The following TTC6 variants were observed in gnomAD, a reference collection of about 807,000 sequenced individuals.
TTC6 encodes tetratricopeptide repeat domain 6, also known as tetratricopeptide repeat protein 6.
In TTC6, 172 loss-of-function variants were observed where a neutral mutation model predicts 210.4. That is an observed-to-expected ratio of 0.82 (90% confidence interval 0.72 to 0.93). The LOEUF (loss-of-function observed/expected upper bound fraction) is 0.93. Among genes scored for constraint, TTC6 ranks in the 40% least tolerant of loss-of-function variants. TTC6 has a pLI of 0.00. For synonymous variants in TTC6, 804 were observed against 819.6 expected (o/e 0.98, Z 0.32); for missense variants, 2,414 against 2,318.1 (o/e 1.04, Z -0.85).
chr14:37,636,499 A>G (rs1221514353), intron 1 of TTC6, among the ~76,000 whole-genome samples: 1 of 152,206 alleles, frequency 6.6e-6, no homozygotes, highest in Non-Finnish European at 1.5e-5. Flanking sequence ...CTTGGAAACT[A>G]AACAATACAA....
Position 37,824,083 on chromosome 14 carries a change from T to C in TTC6, c.4974+126T>C, listed in dbSNP as rs2096164712. ...TGAACATTTACCTTTTCTTTACTTT[T>C]AGGTTCCAGAGTAGCAGTGGGAGCA... On this transcript the variant is annotated intron_variant, in intron 27 of 30. Transcript: ENST00000553443. 7.5e-6 allele frequency: 7 copies of C among 934,354 alleles called. No individual in the cohort carries two copies. The South Asian group carries it at 1.2e-4, about 16-fold the overall frequency. The allele number at this position is 934,354 out of a possible 1,614,324, so 57.9% of individuals were successfully genotyped here. A position where few individuals can be genotyped will look rare whatever the true frequency, so the allele number is the denominator to read the frequency against.
At position 37,679,805 on chromosome 14, in the gene TTC6, C is replaced by T. The variant is rs147655121; in HGVS notation, c.940-346C>T. 2.5e-3 allele frequency among the ~76,000 whole-genome samples: 387 copies of T among 152,128 alleles called. 2 individuals carry two copies. The highest frequency in any genetic ancestry group is 8.9e-3 in the African/African-American group (371 of 41,518). ...TCCTGGGTTCAAGCAATTCTCCTGCCTCAGCCTCCCAAGTAGCTGGGATTA... is the reference window on the plus strand; with the variant it reads ...TCCTGGGTTCAAGCAATTCTCCTGCTTCAGCCTCCCAAGTAGCTGGGATTA... On this transcript the variant is annotated intron_variant, in intron 1 of 30. Transcript: ENST00000553443.
chr14:37,606,101 A>G (rs1050260543), intron 1 of TTC6, among the ~76,000 whole-genome samples: 31 of 152,102 alleles, frequency 2.0e-4, no homozygotes, highest in African/African-American at 7.2e-4. Flanking sequence ...GCAGATGTTA[A>G]TTAGGTTACC....
chr14:37,735,027 A>G (rs2095897774), intron 7 of TTC6, among the ~76,000 whole-genome samples: 1 of 152,170 alleles, frequency 6.6e-6, no homozygotes, highest in South Asian at 2.1e-4. Context: ...TTTTTAAAGA[A>G]TAATGATGAA....
rs1457243114 is a variant in TTC6 at position 37,814,857 on chromosome 14, C to CT, written c.4689+2427dup. ...ATGAAAAACCAAGAGAAAGCAGAATCTTTAAAAACAGTTTTAGTGGGAAAG... is the reference window on the plus strand; with the variant it reads ...ATGAAAAACCAAGAGAAAGCAGAATCTTTTAAAAACAGTTTTAGTGGGAAAG... On this transcript the variant is annotated intron_variant, in intron 25 of 30. Transcript: ENST00000553443. Among the ~76,000 whole-genome samples the CT allele has an allele frequency of 2.0e-5, 3 of 152,116 alleles. No homozygotes were observed. The South Asian group carries it at 6.2e-4, about 32-fold the overall frequency.
At chr14:37,823,286 G>A (rs1168001090) in intron 26 of TTC6, among the ~76,000 whole-genome samples, 2 of 152,064 alleles carry the variant, frequency 1.3e-5, no homozygotes, top group African/African-American at 4.8e-5. Flanking sequence ...TAGGAGATCT[G>A]ATGTAAGGAC....
intron 1 of TTC6, among the ~76,000 whole-genome samples, chr14:37,647,998 C>G (rs1286692962): frequency 6.6e-6 from 1 of 152,038 alleles, no homozygotes. Flanking sequence ...AGCGTTATAA[C>G]TATAATATTA....
intron 14 of TTC6, among the ~76,000 whole-genome samples, chr14:37,761,531 A>C (rs566732613): frequency 3.3e-4 from 50 of 152,060 alleles, no homozygotes; most frequent in Admixed American, 1.2e-3. Context: ...GTACAGCATA[A>C]TGACTTATCA....
At chr14:37,622,605 T>C (rs1354435899) in exon 1 of TTC6, 7 of 1,534,522 alleles carry the variant, frequency 4.6e-6, no homozygotes, top group East Asian at 2.5e-5. Context: ...GGTCTTCCAC[T>C]TGGGAAGGGA....
intron 1 of TTC6, among the ~76,000 whole-genome samples, chr14:37,677,411 G>A (rs2095772416): frequency 6.6e-6 from 1 of 151,938 alleles, no homozygotes. Context: ...CAACTTTAGT[G>A]AATTAGTTTA....
At chr14:37,753,360 A>G in intron 14 of TTC6, 125 bp downstream of exon 16, 1 of 802,838 alleles carries the variant, frequency 1.2e-6, no homozygotes, top group Non-Finnish European at 1.9e-6. Context: ...TTTCAGTGCC[A>G]CCAGTAAATG....
At chr14:37,692,586 T>C (rs1206185735) in intron 3 of TTC6, among the ~76,000 whole-genome samples, 1 of 152,036 alleles carries the variant, frequency 6.6e-6, no homozygotes, top group Non-Finnish European at 1.5e-5. Context: ...TTTACCGGTG[T>C]GGTGGCTCAC....
At chr14:37,725,095 C>A in intron 7 of TTC6, 93 bp downstream of exon 9, 3 of 640,278 alleles carry the variant, frequency 4.7e-6, no homozygotes, top group Non-Finnish European at 7.3e-6. Flanking sequence ...TTTTACTGGC[C>A]ATTTATGTAA....
At chr14:37,714,660 T>C (rs1325685848) in exon 6 of TTC6, 1 of 1,535,016 alleles carries the variant, frequency 6.5e-7, no homozygotes, top group Non-Finnish European at 8.7e-7. Flanking sequence ...TGTAGAATAT[T>C]GTATGGAATT....
chr14:37,766,336 C>A (rs531118121), intron 14 of TTC6, among the ~76,000 whole-genome samples: 1 of 152,094 alleles, frequency 6.6e-6, no homozygotes, highest in Non-Finnish European at 1.5e-5. Flanking sequence ...GTAACCAATA[C>A]GTAGTTTTTT....
chr14:37,654,489 G>T (rs1014991557), intron 1 of TTC6, among the ~76,000 whole-genome samples: 1 of 151,972 alleles, frequency 6.6e-6, no homozygotes, highest in Non-Finnish European at 1.5e-5. Context: ...GCCATGATTG[G>T]AAGCTTCCTG....
intron 14 of TTC6, among the ~76,000 whole-genome samples, chr14:37,782,508 C>T (rs2096057584): frequency 6.6e-6 from 1 of 152,038 alleles, no homozygotes; most frequent in African/African-American, 2.4e-5. Context: ...AGTTGCTTAT[C>T]AGCTTAAGGA....
exon 13 of TTC6, chr14:37,751,204 G>A (rs1304750635): frequency 1.3e-6 from 2 of 1,522,016 alleles, no homozygotes; most frequent in Admixed American, 2.0e-5. Flanking sequence ...ACAAAGTACT[G>A]GCCATTGATG....
At chr14:37,749,303 AATG>A in exon 11 of TTC6, 2 of 1,522,612 alleles carry the variant, frequency 1.3e-6, no homozygotes, top group South Asian at 1.2e-5. Flanking sequence ...TGAAGAAATA[AATG>A]ATAAGACAAA....
Sources: gnomAD v4.1 joint callset for allele counts (sites outside exome capture counted in the v4.1 genomes callset) on GRCh38, gnomAD v4.1.1 for gene constraint, MANE v1.5 for transcripts, NCBI Gene and HGNC (gene_info 2026-07-23, HGNC 2026-07-21) for gene names.